C11orf65: variants seen among roughly 807,000 people sequenced by gnomAD.
C11orf65 encodes chromosome 11 open reading frame 65.
In C11orf65, 38 loss-of-function variants were observed where a neutral mutation model predicts 35.3. That is an observed-to-expected ratio of 1.08 (90% CI 0.83 to 1.41). The LOEUF (loss-of-function observed/expected upper bound fraction) is 1.41, where lower values mean the gene tolerates loss of function less well. C11orf65 is among the 40% of genes most tolerant of loss of function. C11orf65 has a pLI of 0.00. For missense variants in C11orf65, 370 were observed against 367.1 expected (o/e 1.01, Z -0.06); for synonymous variants, 105 against 114.4 (o/e 0.92, Z 0.53).
At chr11:108,421,430 C>T (rs945021526) in intron 3 of C11orf65, among the ~76,000 whole-genome samples, 2 of 152,018 alleles carry the variant, frequency 1.3e-5, no homozygotes, top group Non-Finnish European at 2.9e-5. Context: ...CCGAGGCGAG[C>T]GGATCACTTG....
intron 1 of C11orf65, among the ~76,000 whole-genome samples, chr11:108,464,596 G>A (rs559142954): frequency 3.9e-5 from 6 of 152,110 alleles, no homozygotes; most frequent in Non-Finnish European, 8.8e-5. Context: ...TCTTGACCTC[G>A]TGATCCACCC....
At chr11:108,444,644 G>C (rs1303886635) in intron 2 of C11orf65, among the ~76,000 whole-genome samples, 1 of 152,154 alleles carries the variant, frequency 6.6e-6, no homozygotes, top group Non-Finnish European at 1.5e-5. Context: ...TGGCCGAATA[G>C]GAACAGCTCC....
chr11:108,369,706 T>C (rs1331852964), intron 2 of C11orf65, among the ~76,000 whole-genome samples: 1 of 152,144 alleles, frequency 6.6e-6, no homozygotes, highest in South Asian at 2.1e-4. Context: ...TATGTAGAAA[T>C]ATATACTTTC....
chr11:108,424,215 C>A (rs538318408), intron 3 of C11orf65, among the ~76,000 whole-genome samples: 3 of 151,988 alleles, frequency 2.0e-5, no homozygotes, highest in Non-Finnish European at 4.4e-5. Flanking sequence ...ATATAAATGA[C>A]CTGATGGAGC....
At chr11:108,443,618 T>C (rs2093198127) in intron 2 of C11orf65, among the ~76,000 whole-genome samples, 1 of 151,994 alleles carries the variant, frequency 6.6e-6, no homozygotes, top group Admixed American at 6.6e-5. Context: ...TAACAAACTG[T>C]CTCTCAGACC....
chr11:108,412,749 A>T (rs550940906), intron 3 of C11orf65, among the ~76,000 whole-genome samples: 32 of 152,286 alleles, frequency 2.1e-4, no homozygotes, highest in African/African-American at 7.7e-4. Flanking sequence ...AGGAAGAAAG[A>T]AGAAAGAAGA....
At chr11:108,371,848 A>G (rs1205046278) in intron 2 of C11orf65, among the ~76,000 whole-genome samples, 3 of 152,220 alleles carry the variant, frequency 2.0e-5, no homozygotes, top group Non-Finnish European at 2.9e-5. Flanking sequence ...CAACTCCACC[A>G]TCAGTGCACA....
At chr11:108,350,473 C>T (rs964350015) in intron 2 of C11orf65, among the ~76,000 whole-genome samples, 2 of 152,202 alleles carry the variant, frequency 1.3e-5, no homozygotes, top group African/African-American at 4.8e-5. Context: ...TTTTAGCAGA[C>T]TCATTTCTGG....
intron 8 of C11orf65, among the ~76,000 whole-genome samples, 179 bp downstream of exon 8, chr11:108,385,741 A>G (rs188236115): frequency 7.2e-4 from 109 of 152,302 alleles, no homozygotes; most frequent in African/African-American, 2.6e-3. Flanking sequence ...ATAATATAGG[A>G]CATTTCCTTC....
intron 2 of C11orf65, among the ~76,000 whole-genome samples, chr11:108,363,444 T>C (rs1053130267): frequency 5.9e-5 from 9 of 152,192 alleles, no homozygotes; most frequent in Non-Finnish European, 8.8e-5. Flanking sequence ...TAAGGAAATA[T>C]ATCTCTCCCT....
chr11:108,333,828 T>G (rs1412816821), intron 3 of C11orf65: 5 of 1,349,902 alleles, frequency 3.7e-6, no homozygotes, highest in Non-Finnish European at 5.3e-6. Context: ...CTATTCCTGC[T>G]TGACCTTCAA....
chr11:108,442,844 A>G (rs1375432140), intron 2 of C11orf65, among the ~76,000 whole-genome samples: 1 of 152,242 alleles, frequency 6.6e-6, no homozygotes, highest in Non-Finnish European at 1.5e-5. Flanking sequence ...ATGGAAAGGA[A>G]CAACCAGTAC....
At position 108,339,747 on chromosome 11, in the gene C11orf65, G is replaced by A. The variant is rs980898961; in HGVS notation, c.227-4455C>T. ...AATAAGGGTTTGATTCCCCCTCCCC[G>A]CCCCAGAGCTAGATATTGATAGAGA... On this transcript the variant is annotated intron_variant, in intron 2 of 3. Coordinates refer to the C11orf65 transcript ENST00000524755. 4.6e-5 allele frequency among the ~76,000 whole-genome samples: 7 copies of A among 151,900 alleles called. No individual in the cohort carries two copies. The East Asian group carries it at 5.8e-4, about 13-fold the overall frequency.
chr11:108,447,349 C>A (rs1016022093), intron 2 of C11orf65, among the ~76,000 whole-genome samples: 1 of 151,984 alleles, frequency 6.6e-6, no homozygotes, highest in Non-Finnish European at 1.5e-5. Flanking sequence ...TAGCACCACA[C>A]CACACCTATT....
At chr11:108,452,843 C>CT (rs1163198200) in intron 2 of C11orf65, among the ~76,000 whole-genome samples, 2 of 151,904 alleles carry the variant, frequency 1.3e-5, no homozygotes, top group African/African-American at 4.8e-5. Flanking sequence ...AGTTCATGTC[C>CT]TTCGTAGGGA....
intron 2 of C11orf65, chr11:108,355,642 T>G (rs1461462558): frequency 1.3e-5 from 2 of 152,306 alleles, no homozygotes; most frequent in Non-Finnish European, 2.9e-5. Flanking sequence ...ACCTGATTTA[T>G]GTTGGACTGG....
At chr11:108,350,139 C>A (rs1165668669) in intron 2 of C11orf65, among the ~76,000 whole-genome samples, 1 of 152,094 alleles carries the variant, frequency 6.6e-6, no homozygotes, top group Non-Finnish European at 1.5e-5. Context: ...ACATGCCAAG[C>A]AGTTTAAGGG....
At chr11:108,414,687 C>G (rs2092706457) in intron 3 of C11orf65, among the ~76,000 whole-genome samples, 1 of 151,862 alleles carries the variant, frequency 6.6e-6, no homozygotes, top group Admixed American at 6.6e-5. Flanking sequence ...AAAATAAAAT[C>G]AAAGGGAATA....
chr11:108,443,558 G>A (rs1259118228), intron 2 of C11orf65, among the ~76,000 whole-genome samples: 1 of 152,076 alleles, frequency 6.6e-6, no homozygotes, highest in Non-Finnish European at 1.5e-5. Flanking sequence ...TCCCAAAATT[G>A]ACCCCATAGT....
Sources: gnomAD v4.1 joint callset for allele counts (sites outside exome capture counted in the v4.1 genomes callset) on GRCh38, gnomAD v4.1.1 for gene constraint, MANE v1.5 for transcripts, NCBI Gene and HGNC (gene_info 2026-07-23, HGNC 2026-07-21) for gene names.